Variants in USPL1 observed in about 807,000 individuals in gnomAD.
USPL1 encodes SUMO-specific isopeptidase USPL1.
In USPL1, 27 loss-of-function variants were observed where a neutral mutation model predicts 51.5. That is an observed-to-expected ratio of 0.52 (90% CI 0.39 to 0.72). The LOEUF is 0.72. USPL1 is among the 30% of genes least tolerant of loss of function. The pLI is 0.00. For synonymous variants in USPL1, 451 were observed against 459.6 expected, an observed-to-expected ratio of 0.98 and a Z score of 0.24; for missense variants, 1,226 against 1,268.0, an observed-to-expected ratio of 0.97 and a Z score of 0.50.
At position 30,657,617 on chromosome 13, in the gene USPL1, C is replaced by G. The variant is rs1951181408; in HGVS notation, c.1540C>G (p.Leu514Val). The G allele has an allele frequency of 1.9e-6, 3 of 1,614,088 alleles. No individual in the cohort carries two copies. The Admixed American group carries it at 5.0e-5, about 27-fold the overall frequency. ...VTDKEAACLP[L>V]KKTNDQHALS... ...AGATAAAGAAGCTGCCTGCCTTCCA[C>G]TTAAAAAGACTAATGACCAACACGC... Residue 514 changes from leucine (L) to valine (V), a missense_variant, in exon 9 of 9, where the codon CTT becomes GTT. Coordinates refer to ENST00000255304, the MANE Select transcript of USPL1 (RefSeq NM_005800.5).
In USPL1 at chr13:30,658,823, C is replaced by G. The variant is rs199998122; in HGVS notation, c.2746C>G (p.Arg916Gly). 7.2e-5 allele frequency: 117 copies of G among 1,613,830 alleles called. No homozygotes were observed. The highest frequency in any genetic ancestry group is 1.8e-4 in the Admixed American group (11 of 60,018). The stretch of plus-strand genomic sequence containing the variant: ...GTCTTCCCCGCAAAGCAGAACAGTT[C>G]GAAGTGAAAATCTAGAACAGGTGCC... ...LMSSPQSRTV[R>G]SENLEQVPQD... Residue 916 changes from arginine (R) to glycine (G), a missense_variant, in exon 9 of 9, where the codon CGA becomes GGA. By Grantham distance (125) the Arg-to-Gly change is moderately radical (BLOSUM62 -2). Transcript: ENST00000255304.
chr13:30,620,760 CT>C (rs1264545787), intron 1 of USPL1, among the ~76,000 whole-genome samples: 1 of 152,064 alleles, frequency 6.6e-6, no homozygotes, highest in African/African-American at 2.4e-5. Flanking sequence ...AAAAGTTAGG[CT>C]TTCAAATTCT....
Position 30,651,611 on chromosome 13 carries a change from A to C in USPL1, c.1239-1537A>C, listed in dbSNP as rs78514447. Among the ~76,000 whole-genome samples, 1,462 of 152,344 alleles carry C rather than the reference A, an allele frequency of 9.6e-3. 30 individuals are homozygous for C. Among genetic ancestry groups the C allele is most frequent in the African/African-American group, 0.034 (1,393 of 41,576 alleles). On this transcript the variant is annotated intron_variant, in intron 7 of 8. Transcript: ENST00000255304. Reference sequence around the variant, plus strand: ...TAGGGATCAAGAGATTGTTTTAGTAACTAGCCTCAGAAAGTATCTTGAAAG... The same window carrying C: ...TAGGGATCAAGAGATTGTTTTAGTACCTAGCCTCAGAAAGTATCTTGAAAG...
chr13:30,631,376 G>A lies in USPL1; in HGVS notation c.770G>A (p.Gly257Glu), dbSNP rs150077850. The change falls in exon 4 of 9, where the codon GGA becomes GAA. Residue 257 changes from glycine to glutamate, a missense_variant. Coordinates refer to ENST00000255304, the MANE Select transcript of USPL1 (RefSeq NM_005800.5). ...HSEELKNTVT[G>E]LCSKEESIFW... The stretch of plus-strand genomic sequence containing the variant: ...GAAGAGTTAAAGAACACCGTGACTG[G>A]ACTGTGCTCGAAGGAGGAATCTATA... 3.9e-5 allele frequency: 63 copies of A among 1,614,102 alleles called. No individual in the cohort carries two copies. The Middle Eastern group carries it at 8.2e-4, about 21-fold the overall frequency.
chr13:30,628,084 G>A (rs1406022499), intron 3 of USPL1, among the ~76,000 whole-genome samples: 1 of 144,196 alleles, frequency 6.9e-6, no homozygotes, highest in Non-Finnish European at 1.5e-5. Flanking sequence ...TAGTAGAGAC[G>A]GGGGTTTCAC....
At chr13:30,654,400 C>T (rs545943860) in intron 8 of USPL1, among the ~76,000 whole-genome samples, 2 of 151,412 alleles carry the variant, frequency 1.3e-5, no homozygotes, top group Non-Finnish European at 3.0e-5. Context: ...TTCCTTCTCT[C>T]TCTCTCTTTT....
At chr13:30,626,728 A>G (rs919501436) in intron 3 of USPL1, among the ~76,000 whole-genome samples, 1 of 152,182 alleles carries the variant, frequency 6.6e-6, no homozygotes, top group African/African-American at 2.4e-5. Flanking sequence ...CTAATATTCA[A>G]GACTGGTCCA....
At chr13:30,635,575 C>G (rs528647095) in intron 4 of USPL1, among the ~76,000 whole-genome samples, 2 of 152,178 alleles carry the variant, frequency 1.3e-5, no homozygotes, top group East Asian at 3.8e-4. Context: ...TATTCAACTT[C>G]TTTTGAAGTG....
At chr13:30,620,140 T>A (rs1950628985) in intron 1 of USPL1, among the ~76,000 whole-genome samples, 1 of 152,216 alleles carries the variant, frequency 6.6e-6, no homozygotes, top group Admixed American at 6.5e-5. Flanking sequence ...GTTTGTGAAG[T>A]TTATATAGCC....
chr13:30,621,044 T>A (rs1443429159), intron 1 of USPL1, 29 bp from the exon 2 acceptor site: 4 of 953,416 alleles, frequency 4.2e-6, no homozygotes, highest in South Asian at 3.2e-5. Context: ...GAATTTTTAT[T>A]TAATTGTCTA....
chr13:30,653,303 A>C lies in USPL1; in HGVS notation c.1394A>C (p.Asp465Ala), dbSNP rs1469888968. 1 of 1,592,966 alleles carries C rather than the reference A, an allele frequency of 6.3e-7. No individual in the cohort carries two copies. The highest frequency in any genetic ancestry group is 8.6e-7 in the Non-Finnish European group (1 of 1,164,820). Residue 465 changes from aspartate to alanine, a missense_variant and splice_region_variant, in exon 8 of 9, where the codon GAT becomes GCT. Coordinates refer to ENST00000255304, the MANE Select transcript of USPL1 (RefSeq NM_005800.5). Reference sequence around the variant, plus strand: ...TTTATAACATGGATTTTAGATGCTGATGGTAAGTGTTTAGAGGTTTTCTTT... The same window carrying C: ...TTTATAACATGGATTTTAGATGCTGCTGGTAAGTGTTTAGAGGTTTTCTTT... ...NHFITWILDA[D>A]GSWLECDDLK...
rs1209457458 is a variant in USPL1, at chr13:30,646,829, A to G, written c.1113-103A>G. The G allele has an allele frequency of 2.9e-5, 37 of 1,283,276 alleles. No individual in the cohort carries two copies. In the East Asian group the frequency reaches 9.0e-4, roughly 31 times the overall value. 79.5% of individuals were successfully genotyped at this position (1,283,276 alleles called of 1,614,324 possible). On this transcript the variant is annotated intron_variant, in intron 6 of 8. Coordinates refer to ENST00000255304, the MANE Select transcript of USPL1 (RefSeq NM_005800.5). ...TATTAACATGATTTGGGGAAATAAG[A>G]AAGTATGAATCACGAAAAAGGGGAG...
rs1229268553 is a variant in USPL1 at position 30,659,598 on chromosome 13, A to AAT, written c.*243_*244dup. The AAT allele has an allele frequency of 2.9e-5, 11 of 378,552 alleles. No homozygotes were observed. Among genetic ancestry groups the AAT allele is most frequent in the Non-Finnish European group, 5.1e-5 (11 of 216,106 alleles). 23.4% of individuals were successfully genotyped at this position (378,552 alleles called of 1,614,324 possible). A position where few individuals can be genotyped will look rare whatever the true frequency, so the allele number is the denominator to read the frequency against. ...TCTTGTGAGAGTATGAGGATTTCAAAATGTTAAAGATGAAAAGTGGCGTCT... is the reference window on the plus strand; with the variant it reads ...TCTTGTGAGAGTATGAGGATTTCAAAATATGTTAAAGATGAAAAGTGGCGTCT... On this transcript the variant is annotated 3_prime_UTR_variant, in exon 9 of 9. Coordinates refer to ENST00000255304, the MANE Select transcript of USPL1 (RefSeq NM_005800.5).
chr13:30,640,690 C>T lies in USPL1; in HGVS notation c.983-1938C>T, dbSNP rs192886880. On this transcript the variant is annotated intron_variant, in intron 5 of 8. Transcript: ENST00000255304. ...GAGCAACAAGTGCGAAACTCCTTCT[C>T]AAAAAGAAACAAAAAAACTTTTTTT... Among the ~76,000 whole-genome samples the T allele has an allele frequency of 2.0e-5, 3 of 152,186 alleles. No homozygotes were observed. In the East Asian group the frequency reaches 5.8e-4, roughly 29 times the overall value.
rs745670625 is a variant in USPL1 at position 30,658,248 on chromosome 13, A to C, written c.2171A>C (p.Asn724Thr). The change falls in exon 9 of 9, where the codon AAT becomes ACT. Residue 724 changes from asparagine (N) to threonine (T), a missense_variant. Coordinates refer to ENST00000255304, the MANE Select transcript of USPL1 (RefSeq NM_005800.5). ...GAACGTGTCACATCTCAGGTATCTA[A>C]TTTGAAGAAAAAAGAAACTACAGCA... ...KPERVTSQVS[N>T]LKKKETTADS... The C allele has an allele frequency of 1.2e-6, 2 of 1,612,592 alleles. No homozygotes were observed. Among genetic ancestry groups the C allele is most frequent in the Admixed American group, 1.7e-5 (1 of 59,690 alleles).
chr13:30,631,277 C>G lies in USPL1; in HGVS notation c.671C>G (p.Ala224Gly). 6 of 1,614,128 alleles carry G rather than the reference C, an allele frequency of 3.7e-6. No homozygotes were observed. The highest frequency in any genetic ancestry group is 5.1e-6 in the Non-Finnish European group (6 of 1,180,022). The part of the protein sequence containing the change: ...LESKCTSFPQ[A>G]LCVQWKNAYA... ...AGCAAATGTACATCATTTCCCCAGG[C>G]TTTATGTGTCCAGTGGAAAAATGCT... Residue 224 changes from alanine (A) to glycine (G), a missense_variant, in exon 4 of 9, where the codon GCT (alanine) becomes GGT (glycine). Physicochemically the swap from Ala to Gly is moderately conservative, Grantham distance 60 (BLOSUM62 0). Coordinates refer to ENST00000255304, the MANE Select transcript of USPL1 (RefSeq NM_005800.5).
chr13:30,655,488 C>CAAGT (rs1951150012), intron 8 of USPL1, among the ~76,000 whole-genome samples: 1 of 152,168 alleles, frequency 6.6e-6, no homozygotes, highest in Non-Finnish European at 1.5e-5. Context: ...AGTCTGGTGG[C>CAAGT]AAGTACCCTT....
chr13:30,654,691 G>C (rs191444619), intron 8 of USPL1, among the ~76,000 whole-genome samples: 23 of 152,218 alleles, frequency 1.5e-4, no homozygotes, highest in Admixed American at 1.4e-3. Flanking sequence ...CATGCTTAGT[G>C]AACGGTTTTG....
chr13:30,632,406 A>ATTTTTTTTTT (rs60539080), intron 4 of USPL1, among the ~76,000 whole-genome samples: 1 of 83,688 alleles, frequency 1.2e-5, no homozygotes, highest in African/African-American at 5.2e-5. Flanking sequence ...TGCTATTGTG[A>ATTTTTTTTTT]TTTTTTTTTT....
Sources: gnomAD v4.1 joint callset for allele counts (sites outside exome capture counted in the v4.1 genomes callset) on GRCh38, gnomAD v4.1.1 for gene constraint, MANE v1.5 for transcripts, NCBI Gene and HGNC (gene_info 2026-07-23, HGNC 2026-07-21) for gene names.